Variants in CEP295 observed in about 807,000 individuals in gnomAD.
The protein encoded by CEP295 is centrosomal protein 295.
A neutral mutation model predicts 291.6 loss-of-function variants in CEP295; 190 were observed. The ratio of observed to expected loss-of-function variants is 0.65; its 90% CI spans 0.58 to 0.73. The LOEUF (loss-of-function observed/expected upper bound fraction) is 0.73, where lower values mean the gene tolerates loss of function less well. Among genes scored for constraint, CEP295 ranks in the 30% least tolerant of loss-of-function variants. The pLI, the probability that CEP295 is intolerant of heterozygous loss-of-function variation, is 0.00. For missense variants in CEP295, 2,863 were observed against 2,949.4 expected, an observed-to-expected ratio of 0.97 and a Z score of 0.68; for synonymous variants, 993 against 1,038.8, an observed-to-expected ratio of 0.96 and a Z score of 0.85.
chr11:93,699,105 C>G lies in CEP295; in HGVS notation c.4193C>G (p.Pro1398Arg). The change falls in exon 15 of 30, where the codon CCC (proline) becomes CGC (arginine). Residue 1398 changes from proline to arginine, a missense_variant. This residue lies in a region of CEP295 where 2,295 missense variants were observed against 2,335.7 expected (regional missense o/e 0.98). Transcript: ENST00000325212. ...GAGCAGGTTGACACCTCTTCCTTAC[C>G]CCTAGTACCACAGCATTCATTCGCC... Reference protein sequence around the residue: ...SPEQVDTSSLPLVPQHSFASL... With the variant: ...SPEQVDTSSLRLVPQHSFASL... 6.5e-7 allele frequency: 1 copy of G among 1,548,718 alleles called. No homozygotes were observed. Among genetic ancestry groups the G allele is most frequent in the Non-Finnish European group, 8.7e-7 (1 of 1,147,066 alleles).
chr11:93,669,023 T>C, intron 4 of CEP295, 91 bp downstream of exon 4: 1 of 649,236 alleles, frequency 1.5e-6, no homozygotes, highest in Non-Finnish European at 2.6e-6. Flanking sequence ...AAATATTAAA[T>C]AAACATAGTA....
intron 1 of CEP295, among the ~76,000 whole-genome samples, chr11:93,662,124 T>A (rs1355136090): frequency 5.9e-5 from 9 of 152,212 alleles, no homozygotes; most frequent in Admixed American, 5.9e-4. Flanking sequence ...GCCTGCCACC[T>A]GGTAGCTGTT....
At position 93,683,663 on chromosome 11, in the gene CEP295, A is replaced by G. The variant is rs773437102; in HGVS notation, c.870A>G (p.Pro290=). The change falls in exon 8 of 30, where the codon CCA becomes CCG. Residue 290 remains proline, a synonymous_variant. Transcript: ENST00000325212. ...TGCCACCACAACTAGTTGAACTTCC[A>G]TACAAACGCAGTGAAATGAAAGAAG... ...AQMPPQLVEL[P]YKRSEMKEDW... The G allele has an allele frequency of 2.6e-6, 4 of 1,550,498 alleles. No homozygotes were observed. The highest frequency in any genetic ancestry group is 1.2e-5 in the South Asian group (1 of 83,640).
At chr11:93,724,443 G>A in intron 22 of CEP295, 68 bp downstream of exon 22, 1 of 1,445,074 alleles carries the variant, frequency 6.9e-7, no homozygotes, top group Non-Finnish European at 9.4e-7. Context: ...TCTTCTACTG[G>A]AACAAAAGTT....
At chr11:93,712,755 A>G (rs1028433916) in intron 18 of CEP295, among the ~76,000 whole-genome samples, 21 of 151,914 alleles carry the variant, frequency 1.4e-4, no homozygotes, top group Admixed American at 1.4e-3. Context: ...GTCCATTTAC[A>G]TTGAACATTA....
At chr11:93,692,989 A>C (rs570884597) in intron 12 of CEP295, among the ~76,000 whole-genome samples, 1 of 146,342 alleles carries the variant, frequency 6.8e-6, no homozygotes, top group South Asian at 2.2e-4. Context: ...AAAAAAAAAA[A>C]ACAAAAGGCC....
At chr11:93,708,834 AT>A (rs1220914323) in intron 18 of CEP295, among the ~76,000 whole-genome samples, 1 of 152,216 alleles carries the variant, frequency 6.6e-6, no homozygotes, top group African/African-American at 2.4e-5. Context: ...GATAAAAGCC[AT>A]TTTAACTGGA....
chr11:93,710,941 G>T (rs950345453), intron 18 of CEP295, among the ~76,000 whole-genome samples: 1 of 152,124 alleles, frequency 6.6e-6, no homozygotes, highest in African/African-American at 2.4e-5. Context: ...AATTTCTGCA[G>T]TATCTGTTGT....
chr11:93,722,879 T>G, intron 20 of CEP295, 162 bp from the exon 21 acceptor site: 1 of 540,422 alleles, frequency 1.9e-6, no homozygotes. Flanking sequence ...CCCAGCTGAT[T>G]TTTGTATTTT....
chr11:93,709,864 T>C (rs1952780305), intron 18 of CEP295, among the ~76,000 whole-genome samples: 1 of 152,170 alleles, frequency 6.6e-6, no homozygotes, highest in Non-Finnish European at 1.5e-5. Flanking sequence ...CTTTCACTTC[T>C]TTGGTTAATT....
chr11:93,723,395 G>A (rs966587315), intron 21 of CEP295, 106 bp downstream of exon 21: 2 of 823,840 alleles, frequency 2.4e-6, no homozygotes, highest in African/African-American at 3.5e-5. Context: ...ATGTTCTTAT[G>A]GCCTGCTACA....
At chr11:93,672,918 A>G (rs965084070) in intron 5 of CEP295, among the ~76,000 whole-genome samples, 1 of 152,114 alleles carries the variant, frequency 6.6e-6, no homozygotes, top group Non-Finnish European at 1.5e-5. Flanking sequence ...AATTGCCTTT[A>G]CTCTGGAAGT....
rs1366336280 is a variant in CEP295, at chr11:93,696,700, T to G, written c.1788T>G (p.Val596=). ...LQQNRLHRQS[V]ETARKQLLEY... is the part of the protein sequence containing the mutation. ...TTGGTAGGTTACACAGGCAGTCTGT[T>G]GAAACAGCCAGGAAACAATTACTTG... The change falls in exon 15 of 30, where the codon GTT becomes GTG. Residue 596 remains valine, a synonymous_variant. Coordinates refer to ENST00000325212, the MANE Select transcript of CEP295 (RefSeq NM_033395.2). 1 of 1,548,700 alleles carries G rather than the reference T, an allele frequency of 6.5e-7. No homozygotes were observed. Among genetic ancestry groups the G allele is most frequent in the Admixed American group, 2.0e-5 (1 of 50,574 alleles).
chr11:93,684,254 G>GT (rs912752422), intron 9 of CEP295, 126 bp downstream of exon 9: 15 of 660,240 alleles, frequency 2.3e-5, no homozygotes, highest in Non-Finnish European at 3.8e-5. Context: ...GATGGGAGCA[G>GT]TAGCTAAAGG....
At position 93,697,626 on chromosome 11, in the gene CEP295, C is replaced by A; in HGVS notation, c.2714C>A (p.Ala905Glu). The A allele has an allele frequency of 1.3e-6, 2 of 1,551,858 alleles. No individual in the cohort carries two copies. Among genetic ancestry groups the A allele is most frequent in the Non-Finnish European group, 1.7e-6 (2 of 1,147,018 alleles). ...DSSALLPSAK[A>E]DLGRIQESSP... ...TCTGCTTTATTGCCTTCTGCCAAAG[C>A]AGATTTGGGGAGAATCCAGGAATCT... The change falls in exon 15 of 30, where the codon GCA becomes GAA. Residue 905 changes from alanine (A) to glutamate (E), a missense_variant. Ala to Glu is a moderately radical substitution (Grantham distance 107). Around this residue, in one of 3 missense-constraint regions of CEP295, gnomAD observed 2,295 missense variants for 2,335.7 expected, o/e 0.98. Coordinates refer to ENST00000325212, the MANE Select transcript of CEP295 (RefSeq NM_033395.2).
In CEP295 at chr11:93,696,759, C is replaced by T. The variant is rs924604567; in HGVS notation, c.1847C>T (p.Ser616Leu). 1.2e-5 allele frequency: 18 copies of T among 1,551,188 alleles called. No homozygotes were observed. Among genetic ancestry groups the T allele is most frequent in the South Asian group, 4.8e-5 (4 of 84,050 alleles). ...YQTMLKGRCP[S>L]VSAPSLITDS... is the part of the protein sequence containing the mutation. Reference sequence around the variant, plus strand: ...ACTATGTTAAAAGGAAGGTGCCCATCGGTGTCAGCTCCATCATTGATAACT... The same window carrying T: ...ACTATGTTAAAAGGAAGGTGCCCATTGGTGTCAGCTCCATCATTGATAACT... The change falls in exon 15 of 30, where the codon TCG (serine) becomes TTG (leucine). Residue 616 changes from serine (S) to leucine (L), a missense_variant. By Grantham distance (145) the Ser-to-Leu change is moderately radical. Coordinates refer to ENST00000325212, the MANE Select transcript of CEP295 (RefSeq NM_033395.2).
At chr11:93,668,961 A>C in intron 4 of CEP295, 29 bp downstream of exon 4, 130 of 963,298 alleles carry the variant, frequency 1.3e-4, no homozygotes, top group Non-Finnish European at 1.8e-4. Context: ...CTATAATCTC[A>C]ACTGAAACTA....
Position 93,696,903 on chromosome 11 carries a change from T to C in CEP295, c.1991T>C (p.Ile664Thr). Reference protein sequence around the residue: ...SPNKYQPIQPIQTSKLEQDHF... With the variant: ...SPNKYQPIQPTQTSKLEQDHF... ...AACAAATACCAACCCATACAACCTA[T>C]ACAGACCTCCAAATTAGAACAAGAT... The change falls in exon 15 of 30, where the codon ATA becomes ACA. Residue 664 changes from isoleucine (I) to threonine (T), a missense_variant. Ile to Thr is a moderately conservative substitution (Grantham distance 89). Around this residue, in one of 3 missense-constraint regions of CEP295, gnomAD observed 2,295 missense variants for 2,335.7 expected, o/e 0.98. Transcript: ENST00000325212. The C allele has an allele frequency of 6.4e-7, 1 of 1,551,958 alleles. No individual in the cohort carries two copies. Among genetic ancestry groups the C allele is most frequent in the Non-Finnish European group, 8.7e-7 (1 of 1,147,060 alleles).
chr11:93,719,375 C>T (rs1055844919), intron 18 of CEP295, among the ~76,000 whole-genome samples: 11 of 151,790 alleles, frequency 7.2e-5, no homozygotes, highest in African/African-American at 2.4e-4. Flanking sequence ...TCAAACCATC[C>T]GACTGCCTCA....
Sources: allele counts gnomAD v4.1 joint callset (sites outside exome capture counted in the v4.1 genomes callset), GRCh38; gene constraint gnomAD v4.1.1; regional missense constraint gnomAD v4.1.1; transcripts MANE v1.5; gene names NCBI Gene and HGNC (gene_info 2026-07-23, HGNC 2026-07-21).